LRIG3: variants seen among roughly 807,000 people sequenced by gnomAD.
LRIG3 encodes the protein leucine rich repeats and immunoglobulin like domains 3.
Under a neutral mutation model 114.5 loss-of-function variants are expected in LRIG3, and 76 were observed. The ratio of observed to expected loss-of-function variants is 0.66; its 90% CI spans 0.55 to 0.80. The LOEUF (loss-of-function observed/expected upper bound fraction) is 0.80, where lower values mean the gene tolerates loss of function less well. LRIG3 is among the 30% of genes least tolerant of loss of function. The pLI is 0.00. For synonymous variants in LRIG3, 512 were observed against 519.8 expected, an observed-to-expected ratio of 0.98 and a Z score of 0.20; for missense variants, 1,239 against 1,382.8, an observed-to-expected ratio of 0.90 and a Z score of 1.65.
At chr12:58,919,546 C>G in intron 1 of LRIG3, 1 of 1,549,978 alleles carries the variant, frequency 6.5e-7, no homozygotes, top group Admixed American at 2.0e-5. Context: ...ACTTCAGTTA[C>G]TGGGTGGGAA....
chr12:58,916,571 G>C (rs555144887), intron 1 of LRIG3, among the ~76,000 whole-genome samples: 57 of 152,270 alleles, frequency 3.7e-4, no homozygotes, highest in Non-Finnish European at 4.9e-4. Context: ...CAACGTCGAT[G>C]TTTTCTTAAA....
At position 58,885,674 on chromosome 12, in the gene LRIG3, G is replaced by A. The variant is rs139412809; in HGVS notation, c.1244+157C>T. Reference sequence around the variant, plus strand: ...GTAGGTAGGTAAGTAGGTAGACAGAGAAAGAAATAGAAAGATAGGGAGATG... The same window carrying A: ...GTAGGTAGGTAAGTAGGTAGACAGAAAAAGAAATAGAAAGATAGGGAGATG... On this transcript the variant is annotated intron_variant, in intron 10 of 18. Coordinates refer to ENST00000320743, the MANE Select transcript of LRIG3 (RefSeq NM_153377.5). 2.4e-3 allele frequency among the ~76,000 whole-genome samples: 360 copies of A among 152,238 alleles called. 1 individual carries two copies. The highest frequency in any genetic ancestry group is 8.2e-3 in the African/African-American group (339 of 41,532).
intron 3 of LRIG3, among the ~76,000 whole-genome samples, chr12:58,906,279 T>A (rs1017729364): frequency 2.0e-5 from 3 of 152,166 alleles, no homozygotes; most frequent in South Asian, 2.1e-4. Context: ...TCCCTTTTTT[T>A]AAAAAAGGTA....
Position 58,887,209 on chromosome 12 carries a change from C to T in LRIG3, c.1092-319G>A, listed in dbSNP as rs1404060709. ...AACTTTAAAACCACTCTTCCAACCA[C>T]GCATGCAGAAGTTCGCCAAAGCATA... is the stretch of plus-strand genomic sequence containing the variant. On this transcript the variant is annotated intron_variant, in intron 8 of 18. Coordinates refer to ENST00000320743, the MANE Select transcript of LRIG3 (RefSeq NM_153377.5). 5.9e-5 allele frequency among the ~76,000 whole-genome samples: 9 copies of T among 152,170 alleles called. No homozygotes were observed. In the East Asian group the frequency reaches 1.3e-3, roughly 23 times the overall value.
At chr12:58,888,668 C>T in intron 6 of LRIG3, 151 bp downstream of exon 6, 1 of 1,286,592 alleles carries the variant, frequency 7.8e-7, no homozygotes, top group South Asian at 1.5e-5. Context: ...TTATCGATCA[C>T]ATTACCTGAA....
Position 58,878,984 on chromosome 12 carries a change from G to GC in LRIG3, c.1922dup (p.Thr642HisfsTer18). 6.2e-7 allele frequency: 1 copy of GC among 1,614,178 alleles called. No individual in the cohort carries two copies. Among genetic ancestry groups the GC allele is most frequent in the Non-Finnish European group, 8.5e-7 (1 of 1,180,030 alleles). On this transcript the variant is annotated frameshift_variant, in exon 14 of 19. Transcript: ENST00000320743. LOFTEE classifies it high-confidence loss of function. ...TCTCCCGTGCAGCTGGGAAGTCTGT[G>GC]CCCCCATCCTTCTGCCAGGCTATCT...
At chr12:58,905,587 T>C (rs1872032177) in intron 3 of LRIG3, among the ~76,000 whole-genome samples, 1 of 152,232 alleles carries the variant, frequency 6.6e-6, no homozygotes. Flanking sequence ...TAATGTTCAA[T>C]GTGGTCGTAC....
intron 3 of LRIG3, among the ~76,000 whole-genome samples, chr12:58,904,804 G>C (rs776833189): frequency 1.3e-4 from 20 of 152,136 alleles, no homozygotes; most frequent in African/African-American, 4.6e-4. Context: ...CTACATGCCA[G>C]GGTTGCAATG....
chr12:58,905,480 C>T (rs1482449663), intron 3 of LRIG3, among the ~76,000 whole-genome samples: 2 of 152,162 alleles, frequency 1.3e-5, no homozygotes, highest in South Asian at 2.1e-4. Flanking sequence ...AAGTTTATTT[C>T]CACTAAACGT....
At position 58,877,666 on chromosome 12, in the gene LRIG3, G is replaced by C; in HGVS notation, c.2270C>G (p.Ser757Ter). Reference sequence around the variant, plus strand: ...GTATTTCCCAGCATCACTGACATCTGAGTCCACAATAATCAGAAGCTGATT... The same window carrying C: ...GTATTTCCCAGCATCACTGACATCTCAGTCCACAATAATCAGAAGCTGATT... ...AGNQLLIIVDSDVSDAGKYTC... is the reference protein window; with the variant it reads ...AGNQLLIIVD The change falls in exon 15 of 19, where the codon TCA (serine) becomes TGA (stop). Residue 757 changes from serine (S) to a stop codon, truncating the protein, a stop_gained. Coordinates refer to ENST00000320743, the MANE Select transcript of LRIG3 (RefSeq NM_153377.5). LOFTEE classifies it high-confidence loss of function. 1 of 1,614,146 alleles carries C rather than the reference G, an allele frequency of 6.2e-7. No homozygotes were observed. The highest frequency in any genetic ancestry group is 8.5e-7 in the Non-Finnish European group (1 of 1,180,024).
At chr12:58,875,598 CACAA>C (rs1226762883) in intron 16 of LRIG3, among the ~76,000 whole-genome samples, 2 of 152,204 alleles carry the variant, frequency 1.3e-5, no homozygotes, top group African/African-American at 4.8e-5. Flanking sequence ...ATTTCATTTG[CACAA>C]GTACCTCACC....
chr12:58,882,823 G>A, intron 12 of LRIG3, 46 bp downstream of exon 12: 1 of 1,529,676 alleles, frequency 6.5e-7, no homozygotes, highest in Non-Finnish European at 8.8e-7. Flanking sequence ...ATGGGAGGGG[G>A]AAAAAAGAAG....
chr12:58,875,148 C>T (rs1179769994), intron 16 of LRIG3, among the ~76,000 whole-genome samples: 3 of 152,196 alleles, frequency 2.0e-5, no homozygotes, highest in African/African-American at 4.8e-5. Flanking sequence ...GAACGTGACA[C>T]AGTAATGCTG....
intron 3 of LRIG3, among the ~76,000 whole-genome samples, chr12:58,892,359 T>G (rs1871484392): frequency 6.6e-6 from 1 of 152,232 alleles, no homozygotes; most frequent in Non-Finnish European, 1.5e-5. Flanking sequence ...CACACACTGG[T>G]GTTTGTACAC....
chr12:58,872,422 C>T lies in LRIG3; in HGVS notation c.*150G>A. 1.2e-6 allele frequency: 1 copy of T among 817,738 alleles called. No homozygotes were observed. Among genetic ancestry groups the T allele is most frequent in the Non-Finnish European group, 1.7e-6 (1 of 594,138 alleles). The allele number at this position is 817,738 out of a possible 1,614,324, so 50.7% of individuals were successfully genotyped here. On this transcript the variant is annotated 3_prime_UTR_variant, in exon 19 of 19. Coordinates refer to ENST00000320743, the MANE Select transcript of LRIG3 (RefSeq NM_153377.5). ...ATTCCCAGTATAAAAATTTTCATAA[C>T]TTTTTGTAATTTTGGTTCATCTGTA...
intron 3 of LRIG3, among the ~76,000 whole-genome samples, chr12:58,893,365 T>G (rs753487437): frequency 2.6e-5 from 4 of 152,188 alleles, no homozygotes; most frequent in Non-Finnish European, 4.4e-5. Context: ...ATAATGTATA[T>G]CTTAAGAGCT....
At chr12:58,887,975 T>C (rs1443834560) in intron 7 of LRIG3, 43 bp from the exon 8 acceptor site, 6 of 1,566,894 alleles carry the variant, frequency 3.8e-6, no homozygotes, top group Non-Finnish European at 5.2e-6. Flanking sequence ...TATTTTTCAA[T>C]TCAACACAAT....
In LRIG3 at chr12:58,880,589, G is replaced by GT. The variant is rs1477816760; in HGVS notation, c.1792dup (p.Thr598AsnfsTer62). ...AAAGTCAGATCACATACTATTTACT[G>GT]TAAGCTTGGCTTTGACAGAGTAGGA... is the stretch of plus-strand genomic sequence containing the variant. On this transcript the variant is annotated frameshift_variant, in exon 13 of 19. Transcript: ENST00000320743. LOFTEE classifies it high-confidence loss of function. 1 of 1,610,522 alleles carries GT rather than the reference G, an allele frequency of 6.2e-7. No homozygotes were observed. The highest frequency in any genetic ancestry group is 1.7e-5 in the Admixed American group (1 of 59,958).
chr12:58,917,550 G>T (rs1013823612), intron 1 of LRIG3, among the ~76,000 whole-genome samples: 1 of 152,110 alleles, frequency 6.6e-6, no homozygotes, highest in Admixed American at 6.5e-5. Context: ...TTTCTAAAAG[G>T]AGTACTGATA....
Sources: gnomAD v4.1 joint callset for allele counts (sites outside exome capture counted in the v4.1 genomes callset) on GRCh38, gnomAD v4.1.1 for gene constraint, MANE v1.5 for transcripts, NCBI Gene and HGNC (gene_info 2026-07-23, HGNC 2026-07-21) for gene names.